The following AP5S1 variants were observed in gnomAD, a reference collection of about 807,000 sequenced individuals.
AP5S1 encodes the protein AP-5 complex subunit sigma-1.
AP5S1 carries 13 observed loss-of-function variants against 13.9 expected under a neutral mutation model. The ratio of observed to expected loss-of-function variants is 0.94; its 90% CI spans 0.61 to 1.49. AP5S1 has a LOEUF of 1.49. AP5S1 is among the 40% of genes most tolerant of loss of function. The probability of loss-of-function intolerance (pLI) is 0.00; values close to 1 mark genes in which losing one functional copy is unlikely to be tolerated. For missense variants in AP5S1, 292 were observed against 272.3 expected (o/e 1.07, Z -0.51); for synonymous variants, 132 against 121.8 (o/e 1.08, Z -0.55).
rs1009157591 is a variant in AP5S1, at chr20:3,824,206, C to T, written c.512C>T (p.Thr171Ile). ...LRADRIEGIL[T>I]RFLPHGQLLF... ...GCTGACCGCATTGAGGGCATCCTCA[C>T]CCGCTTCCTGCCACATGGTCAGCTG... is the stretch of plus-strand genomic sequence containing the variant. The change falls in exon 3 of 3, where the codon ACC (threonine) becomes ATC (isoleucine). Residue 171 changes from threonine (T) to isoleucine (I), a missense_variant. Transcript: ENST00000615891. 1.9e-6 allele frequency: 3 copies of T among 1,614,114 alleles called. No homozygotes were observed. Among genetic ancestry groups the T allele is most frequent in the Non-Finnish European group, 2.5e-6 (3 of 1,180,056 alleles).
Position 3,828,539 on chromosome 20 carries a change from C to T in AP5S1, c.*4242C>T, listed in dbSNP as rs1239735527. 2 of 152,244 alleles carry T rather than the reference C, an allele frequency of 1.3e-5. No individual in the cohort carries two copies. The highest frequency in any genetic ancestry group is 4.8e-5 in the African/African-American group (2 of 41,454). The allele number at this position is 152,244 out of a possible 1,614,324, so 9.4% of individuals were successfully genotyped here. On this transcript the variant is annotated 3_prime_UTR_variant, in exon 3 of 3. Coordinates refer to ENST00000615891, the MANE Select transcript of AP5S1 (RefSeq NM_018347.3). ...CTGCACCTGTTCATTCTTCCCTCCC[C>T]TCAACCCCTAGCAACCATTGATCCT...
Position 3,827,936 on chromosome 20 carries a change from A to G in AP5S1, c.*3639A>G, listed in dbSNP as rs2089634083. On this transcript the variant is annotated 3_prime_UTR_variant, in exon 3 of 3. Coordinates refer to ENST00000615891, the MANE Select transcript of AP5S1 (RefSeq NM_018347.3). ...GCCACCATGCCTGGCTAATTTTTGTATCTTTAGTAGAGACAGGGTTTCACC... is the reference window on the plus strand; with the variant it reads ...GCCACCATGCCTGGCTAATTTTTGTGTCTTTAGTAGAGACAGGGTTTCACC... 1 of 150,926 alleles carries G rather than the reference A, an allele frequency of 6.6e-6. No individual in the cohort carries two copies. The allele number at this position is 150,926 out of a possible 1,614,324, so 9.3% of individuals were successfully genotyped here.
At chr20:3,823,552 A>G in intron 2 of AP5S1, 1 of 985,348 alleles carries the variant, frequency 1.0e-6, no homozygotes. Flanking sequence ...CGCCTGGCCA[A>G]GCCGCTTCCC....
rs1014591656 is a variant in AP5S1, at chr20:3,825,306, T to C, written c.*1009T>C. The C allele has an allele frequency of 6.6e-6, 1 of 152,274 alleles. No homozygotes were observed. Among genetic ancestry groups the C allele is most frequent in the Non-Finnish European group, 1.5e-5 (1 of 68,078 alleles). 9.4% of individuals were successfully genotyped at this position (152,274 alleles called of 1,614,324 possible). A position where few individuals can be genotyped will look rare whatever the true frequency, so the allele number is the denominator to read the frequency against. ...AAGCACTGGCTGTGTGATTTTACCC[T>C]CTTTCTGTGAGTTTGATGCGTGCAT... On this transcript the variant is annotated 3_prime_UTR_variant, in exon 3 of 3. Coordinates refer to ENST00000615891, the MANE Select transcript of AP5S1 (RefSeq NM_018347.3).
In AP5S1 at chr20:3,820,567, G is replaced by A. The variant is rs1321153884; in HGVS notation, c.-208G>A. On this transcript the variant is annotated 5_prime_UTR_variant, in exon 1 of 3. Coordinates refer to ENST00000615891, the MANE Select transcript of AP5S1 (RefSeq NM_018347.3). The stretch of plus-strand genomic sequence containing the variant: ...GCCGCGCAGCCGCCATTGCTCTCCT[G>A]CCACGGAGGGGAGCGCTTGGTGGCA... The A allele has an allele frequency of 6.6e-6, 1 of 152,174 alleles. No individual in the cohort carries two copies. Among genetic ancestry groups the A allele is most frequent in the Non-Finnish European group, 1.5e-5 (1 of 68,016 alleles). 9.4% of individuals were successfully genotyped at this position (152,174 alleles called of 1,614,324 possible).
At position 3,822,244 on chromosome 20, in the gene AP5S1, G is replaced by T; in HGVS notation, c.127G>T (p.Ala43Ser). The change falls in exon 2 of 3, where the codon GCC becomes TCC. Residue 43 changes from alanine (A) to serine (S), a missense_variant. Transcript: ENST00000615891. ...KSPDDPRPHGAERDRLLRKEQ... is the reference protein window; with the variant it reads ...KSPDDPRPHGSERDRLLRKEQ... ...ACCTGATGACCCACGGCCGCATGGTGCCGAGAGGGACAGGCTTCTCCGGAA... is the reference window on the plus strand; with the variant it reads ...ACCTGATGACCCACGGCCGCATGGTTCCGAGAGGGACAGGCTTCTCCGGAA... 6.2e-7 allele frequency: 1 copy of T among 1,614,204 alleles called. No individual in the cohort carries two copies. Among genetic ancestry groups the T allele is most frequent in the Non-Finnish European group, 8.5e-7 (1 of 1,180,038 alleles).
chr20:3,826,947 G>A lies in AP5S1; in HGVS notation c.*2650G>A, dbSNP rs1424502263. On this transcript the variant is annotated 3_prime_UTR_variant, in exon 3 of 3. Transcript: ENST00000615891. ...AGCATCCCTGAATTGCTGCTCACAA[G>A]TGCTTTAAACACCTAAAGGAAGAAG... 6 of 152,370 alleles carry A rather than the reference G, an allele frequency of 3.9e-5. No homozygotes were observed. The highest frequency in any genetic ancestry group is 2.0e-4 in the Admixed American group (3 of 15,294). The allele number at this position is 152,370 out of a possible 1,614,324, so 9.4% of individuals were successfully genotyped here.
intron 1 of AP5S1, 191 bp from the exon 2 acceptor site, chr20:3,821,905 ATTCTGC>A: frequency 1.1e-6 from 1 of 928,276 alleles, no homozygotes; most frequent in Non-Finnish European, 1.2e-6. Flanking sequence ...GTTTATGCCT[ATTCTGC>A]TTATGTATGT....
rs919042780 is a variant in AP5S1 at position 3,821,732 on chromosome 20, TCTTCAGTCTC to T, written c.-16-365_-16-356del. 4 of 183,908 alleles carry T rather than the reference TCTTCAGTCTC, an allele frequency of 2.2e-5. 1 individual carries two copies. The Admixed American group carries it at 2.6e-4, about 12-fold the overall frequency. The allele number at this position is 183,908 out of a possible 1,614,324, so 11.4% of individuals were successfully genotyped here. The stretch of plus-strand genomic sequence containing the variant: ...ACACGTCGCATTCAGCTATCTGGTC[TCTTCAGTCTC>T]CTTCGGTCTGGAGCAGCTCCTCAGG... On this transcript the variant is annotated intron_variant, in intron 1 of 2. Coordinates refer to ENST00000615891, the MANE Select transcript of AP5S1 (RefSeq NM_018347.3).
intron 2 of AP5S1, chr20:3,823,398 G>A (rs1237879653): frequency 6.4e-5 from 22 of 344,544 alleles, no homozygotes; most frequent in African/African-American, 2.7e-4. Flanking sequence ...ACAGGCGCCC[G>A]CCACCACGCC....
chr20:3,820,785 C>T (rs553349828), intron 1 of AP5S1, 27 bp downstream of exon 1: 2 of 152,446 alleles, frequency 1.3e-5, no homozygotes, highest in East Asian at 1.9e-4. Context: ...GCTACCATTT[C>T]TCTAGTAGAG....
chr20:3,823,546 T>C (rs923603772), intron 2 of AP5S1: 3 of 985,288 alleles, frequency 3.0e-6, no homozygotes, highest in Non-Finnish European at 3.6e-6. Context: ...CCACCGCGCC[T>C]GGCCAAGCCG....
At position 3,824,330 on chromosome 20, in the gene AP5S1, C is replaced by G. The variant is rs1373780635; in HGVS notation, c.*33C>G. 1 of 1,583,166 alleles carries G rather than the reference C, an allele frequency of 6.3e-7. No individual in the cohort carries two copies. The highest frequency in any genetic ancestry group is 1.3e-5 in the African/African-American group (1 of 74,486). On this transcript the variant is annotated 3_prime_UTR_variant, in exon 3 of 3. Coordinates refer to ENST00000615891, the MANE Select transcript of AP5S1 (RefSeq NM_018347.3). ...TTGGGATGGTGCTTCTGAGGGCAGG[C>G]AGAGGGTAGACACACAGCCAGATGA...
At chr20:3,822,069 C>T in intron 1 of AP5S1, 33 bp from the exon 2 acceptor site, 1 of 1,597,824 alleles carries the variant, frequency 6.3e-7, no homozygotes, top group East Asian at 2.3e-5. Context: ...GGGGTTCACT[C>T]TCACCTTACC....
rs1201089047 is a variant in AP5S1, at chr20:3,824,310, A to T, written c.*13A>T. The stretch of plus-strand genomic sequence containing the variant: ...TTGGCCCCGCTGATTCCTCGTTGGG[A>T]TGGTGCTTCTGAGGGCAGGCAGAGG... On this transcript the variant is annotated 3_prime_UTR_variant, in exon 3 of 3. Transcript: ENST00000615891. 3 of 1,604,782 alleles carry T rather than the reference A, an allele frequency of 1.9e-6. No individual in the cohort carries two copies. The highest frequency in any genetic ancestry group is 2.6e-6 in the Non-Finnish European group (3 of 1,173,878).
chr20:3,821,001 T>G (rs1425477343), intron 1 of AP5S1: 1 of 152,330 alleles, frequency 6.6e-6, no homozygotes, highest in Non-Finnish European at 1.5e-5. Context: ...GGCCGGCCAC[T>G]GAGCCAGCCA....
chr20:3,822,405 GT>G, intron 2 of AP5S1, 112 bp downstream of exon 2: 3 of 1,024,394 alleles, frequency 2.9e-6, no homozygotes, highest in Non-Finnish European at 4.3e-6. Flanking sequence ...CAGAGAGGAA[GT>G]TTTAGAGTAG....
intron 1 of AP5S1, among the ~76,000 whole-genome samples, chr20:3,821,347 C>T (rs545850518): frequency 1.2e-4 from 18 of 152,158 alleles, no homozygotes; most frequent in Non-Finnish European, 2.5e-4. Flanking sequence ...CCTAATAATG[C>T]CCTTTATGGA....
rs1368557051 is a variant in AP5S1, at chr20:3,824,665, G to C, written c.*368G>C. Reference sequence around the variant, plus strand: ...CCCACAGTCAAGGCCAGGCGCGGTGGCTCACGCCTGTAATCCCAGCACTTT... The same window carrying C: ...CCCACAGTCAAGGCCAGGCGCGGTGCCTCACGCCTGTAATCCCAGCACTTT... On this transcript the variant is annotated 3_prime_UTR_variant, in exon 3 of 3. Coordinates refer to ENST00000615891, the MANE Select transcript of AP5S1 (RefSeq NM_018347.3). 3 of 250,334 alleles carry C rather than the reference G, an allele frequency of 1.2e-5. No homozygotes were observed. Among genetic ancestry groups the C allele is most frequent in the African/African-American group, 6.7e-5 (3 of 44,484 alleles). 15.5% of individuals were successfully genotyped at this position (250,334 alleles called of 1,614,324 possible). A position where few individuals can be genotyped will look rare whatever the true frequency, so the allele number is the denominator to read the frequency against.
Sources: allele counts gnomAD v4.1 joint callset (sites outside exome capture counted in the v4.1 genomes callset), GRCh38; gene constraint gnomAD v4.1.1; transcripts MANE v1.5; gene names NCBI Gene and HGNC (gene_info 2026-07-23, HGNC 2026-07-21).